PDE10A: variants seen among roughly 807,000 people sequenced by gnomAD.
PDE10A encodes cAMP and cAMP-inhibited cGMP 3',5'-cyclic phosphodiesterase 10A.
PDE10A carries 39 observed loss-of-function variants against 97.7 expected under a neutral mutation model. That is an observed-to-expected ratio of 0.40 (90% confidence interval 0.31 to 0.52). The LOEUF (loss-of-function observed/expected upper bound fraction) is 0.52, where lower values mean the gene tolerates loss of function less well. PDE10A is among the 20% of genes least tolerant of loss of function. The probability of loss-of-function intolerance (pLI) is 0.56; values close to 1 mark genes in which losing one functional copy is unlikely to be tolerated. For synonymous variants in PDE10A, 371 were observed against 376.8 expected, an observed-to-expected ratio of 0.98 and a Z score of 0.18; for missense variants, 731 against 1,047.8, an observed-to-expected ratio of 0.70 and a Z score of 4.17.
intron 1 of PDE10A, among the ~76,000 whole-genome samples, chr6:165,810,201 G>A (rs1208734820): frequency 6.6e-6 from 1 of 152,194 alleles, no homozygotes; most frequent in Admixed American, 6.5e-5. Context: ...TCTGGCCGGG[G>A]AGGAGAGAGC....
chr6:165,434,857 G>A (rs936677264), intron 6 of PDE10A, among the ~76,000 whole-genome samples: 5 of 152,198 alleles, frequency 3.3e-5, no homozygotes, highest in South Asian at 2.1e-4. Context: ...GAAATCACAC[G>A]TGGCTACTGT....
chr6:165,530,413 A>G (rs1190044416), intron 2 of PDE10A, among the ~76,000 whole-genome samples: 2 of 152,112 alleles, frequency 1.3e-5, no homozygotes, highest in Non-Finnish European at 2.9e-5. Context: ...ACCAGAATCT[A>G]TAAAGAACTT....
At chr6:165,765,200 A>C (rs913210183) in intron 1 of PDE10A, among the ~76,000 whole-genome samples, 2 of 152,256 alleles carry the variant, frequency 1.3e-5, no homozygotes, top group African/African-American at 4.8e-5. Flanking sequence ...GCCCCACCAG[A>C]CTCAGGAGCC....
At chr6:165,704,615 A>G (rs1385786627) in intron 1 of PDE10A, among the ~76,000 whole-genome samples, 2 of 152,212 alleles carry the variant, frequency 1.3e-5, no homozygotes, top group African/African-American at 2.4e-5. Context: ...TTAAAATGAA[A>G]AGAAAAATCA....
At chr6:165,690,133 G>A (rs1189260735) in intron 1 of PDE10A, among the ~76,000 whole-genome samples, 1 of 152,102 alleles carries the variant, frequency 6.6e-6, no homozygotes, top group Non-Finnish European at 1.5e-5. Flanking sequence ...TGAATCCAGG[G>A]CTGTCTCATG....
chr6:165,371,668 T>C (rs1048790453), intron 18 of PDE10A, among the ~76,000 whole-genome samples: 1 of 152,154 alleles, frequency 6.6e-6, no homozygotes, highest in African/African-American at 2.4e-5. Flanking sequence ...ACTGGTACCA[T>C]TCCTTCTGAA....
intron 2 of PDE10A, among the ~76,000 whole-genome samples, chr6:165,538,788 A>C (rs1783248876): frequency 6.6e-6 from 1 of 152,216 alleles, no homozygotes; most frequent in Non-Finnish European, 1.5e-5. Context: ...AATGCAAAAC[A>C]ATGGACCTTC....
chr6:165,465,775 T>A (rs190433372), intron 3 of PDE10A, among the ~76,000 whole-genome samples: 1 of 152,340 alleles, frequency 6.6e-6, no homozygotes, highest in African/African-American at 2.4e-5. Flanking sequence ...CATGATTCAA[T>A]TATCTCCATC....
chr6:165,531,739 A>G (rs1562554664), intron 2 of PDE10A, among the ~76,000 whole-genome samples: 1 of 146,132 alleles, frequency 6.8e-6, no homozygotes, highest in East Asian at 2.0e-4. Context: ...AAAGAATTAT[A>G]TATAGTTCTG....
intron 18 of PDE10A, among the ~76,000 whole-genome samples, chr6:165,363,653 A>G (rs1783569993): frequency 6.6e-6 from 1 of 152,220 alleles, no homozygotes; most frequent in Non-Finnish European, 1.5e-5. Context: ...TGCACCAAAA[A>G]ATTATTAGAA....
At chr6:165,839,958 T>TCC (rs1562762722) in intron 1 of PDE10A, among the ~76,000 whole-genome samples, 4 of 116,058 alleles carry the variant, frequency 3.4e-5, no homozygotes, top group African/African-American at 6.2e-5. Flanking sequence ...CATCCCCATC[T>TCC]ACATCTCTGT....
At chr6:165,687,776 A>C (rs988295234) in intron 1 of PDE10A, among the ~76,000 whole-genome samples, 3 of 152,202 alleles carry the variant, frequency 2.0e-5, no homozygotes, top group Admixed American at 2.0e-4. Flanking sequence ...TTTACTTTTT[A>C]AACAAACACT....
chr6:165,820,028 T>C (rs1779525700), intron 1 of PDE10A, among the ~76,000 whole-genome samples: 2 of 152,216 alleles, frequency 1.3e-5, no homozygotes, highest in African/African-American at 4.8e-5. Flanking sequence ...TATATTTGAA[T>C]GCTACAAATT....
intron 1 of PDE10A, among the ~76,000 whole-genome samples, chr6:165,936,794 T>G (rs557910600): frequency 6.6e-6 from 1 of 152,338 alleles, no homozygotes; most frequent in South Asian, 2.1e-4. Context: ...CTGGGGAGCC[T>G]CATTGTTCCC....
intron 13 of PDE10A, among the ~76,000 whole-genome samples, chr6:165,398,526 T>C (rs985597652): frequency 6.6e-6 from 1 of 152,028 alleles, no homozygotes; most frequent in Non-Finnish European, 1.5e-5. Flanking sequence ...TTGTATTGGC[T>C]GTTCTTAAAC....
chr6:165,630,950 C>A (rs542146470), intron 1 of PDE10A, among the ~76,000 whole-genome samples: 1 of 152,204 alleles, frequency 6.6e-6, no homozygotes, highest in Non-Finnish European at 1.5e-5. Flanking sequence ...AAAGCTCTGC[C>A]TGGCTTTCCT....
chr6:165,656,143 G>A (rs1290946698), intron 1 of PDE10A, among the ~76,000 whole-genome samples: 1 of 151,784 alleles, frequency 6.6e-6, no homozygotes, highest in Non-Finnish European at 1.5e-5. Context: ...CTACCAAGGA[G>A]GCTGCTTAAC....
chr6:165,435,577 ACACT>A (rs1789955355), intron 5 of PDE10A, among the ~76,000 whole-genome samples, 200 bp from the exon 6 acceptor site: 1 of 152,234 alleles, frequency 6.6e-6, no homozygotes, highest in Non-Finnish European at 1.5e-5. Context: ...CAAAAAATAC[ACACT>A]CAAATTTAAA....
chr6:165,526,627 G>C (rs1421037024), intron 2 of PDE10A, among the ~76,000 whole-genome samples: 1 of 152,220 alleles, frequency 6.6e-6, no homozygotes, highest in Non-Finnish European at 1.5e-5. Context: ...CTTTGCAGAA[G>C]TCAGACGGAT....
Sources: gnomAD v4.1 joint callset for allele counts (sites outside exome capture counted in the v4.1 genomes callset) on GRCh38, gnomAD v4.1.1 for gene constraint, MANE v1.5 for transcripts, NCBI Gene and HGNC (gene_info 2026-07-23, HGNC 2026-07-21) for gene names.